Variants in CFAP61 observed in about 807,000 individuals in gnomAD.
The protein encoded by CFAP61 is cilia and flagella associated protein 61.
CFAP61 carries 107 observed loss-of-function variants against 135.6 expected under a neutral mutation model. That is an observed-to-expected ratio of 0.79 (90% CI 0.67 to 0.93). The LOEUF (loss-of-function observed/expected upper bound fraction) is 0.93. Ranked by LOEUF, CFAP61 falls within the 40% of genes least tolerant of loss-of-function variation. The pLI, the probability that CFAP61 is intolerant of heterozygous loss-of-function variation, is 0.00. For synonymous variants in CFAP61, 575 were observed against 578.5 expected, an observed-to-expected ratio of 0.99 and a Z score of 0.09; for missense variants, 1,507 against 1,556.2, an observed-to-expected ratio of 0.97 and a Z score of 0.53.
intron 17 of CFAP61, among the ~76,000 whole-genome samples, chr20:20,222,942 G>A (rs568101891): frequency 2.6e-5 from 4 of 152,274 alleles, no homozygotes; most frequent in Non-Finnish European, 5.9e-5. Flanking sequence ...GCAAAAGTAG[G>A]CTTATTACGG....
At chr20:20,107,098 A>T (rs1051883000) in intron 8 of CFAP61, among the ~76,000 whole-genome samples, 1 of 152,180 alleles carries the variant, frequency 6.6e-6, no homozygotes, top group Non-Finnish European at 1.5e-5. Context: ...TCAGTGGGTC[A>T]CACCCATTGC....
intron 4 of CFAP61, among the ~76,000 whole-genome samples, chr20:20,074,941 A>G (rs1184356309): frequency 6.6e-6 from 1 of 152,160 alleles, no homozygotes; most frequent in East Asian, 1.9e-4. Context: ...CCATATGAAC[A>G]TGGCACCCTT....
At chr20:20,342,231 G>A (rs1367988058) in intron 26 of CFAP61, among the ~76,000 whole-genome samples, 2 of 152,174 alleles carry the variant, frequency 1.3e-5, no homozygotes, top group African/African-American at 2.4e-5. Context: ...CCTCAAGAAC[G>A]AACGTTGCAT....
intron 26 of CFAP61, among the ~76,000 whole-genome samples, chr20:20,343,023 G>C (rs1050064804): frequency 6.6e-6 from 1 of 152,096 alleles, no homozygotes; most frequent in African/African-American, 2.4e-5. Context: ...ACCACACCCA[G>C]CTAATTTTTG....
At chr20:20,096,987 T>C (rs1568893253) in intron 7 of CFAP61, among the ~76,000 whole-genome samples, 1 of 152,114 alleles carries the variant, frequency 6.6e-6, no homozygotes, top group Non-Finnish European at 1.5e-5. Flanking sequence ...CATATTTCAG[T>C]ATTGAGAAGA....
At chr20:20,064,844 A>G (rs1011406132) in intron 2 of CFAP61, among the ~76,000 whole-genome samples, 1 of 152,168 alleles carries the variant, frequency 6.6e-6, no homozygotes, top group Non-Finnish European at 1.5e-5. Flanking sequence ...TGTCAAGCTT[A>G]ATGAGTCTAA....
intron 25 of CFAP61, among the ~76,000 whole-genome samples, chr20:20,312,934 A>T (rs944259981): frequency 1.3e-5 from 2 of 152,188 alleles, no homozygotes; most frequent in Non-Finnish European, 1.5e-5. Flanking sequence ...TTCTTGAGTT[A>T]TTCTGTATCT....
At chr20:20,069,488 C>G (rs989839323) in intron 2 of CFAP61, among the ~76,000 whole-genome samples, 1 of 152,122 alleles carries the variant, frequency 6.6e-6, no homozygotes. Flanking sequence ...CCATGTTGGC[C>G]AGGCTGTCTC....
chr20:20,276,119 A>G (rs1327908), intron 21 of CFAP61, among the ~76,000 whole-genome samples: 14,597 of 152,254 alleles, frequency 0.096, 771 homozygotes, highest in Non-Finnish European at 0.12. Flanking sequence ...ATTTTTCCTA[A>G]GCAAACAAGA....
At chr20:20,257,620 C>CA (rs147860452) in intron 20 of CFAP61, among the ~76,000 whole-genome samples, 1,543 of 58,232 alleles carry the variant, frequency 0.026, 45 homozygotes, top group African/African-American at 0.093. Flanking sequence ...TCAAAAAAAA[C>CA]AAAAAAACAA....
chr20:20,319,533 C>G (rs1040241178), intron 25 of CFAP61, among the ~76,000 whole-genome samples: 1 of 152,166 alleles, frequency 6.6e-6, no homozygotes, highest in Non-Finnish European at 1.5e-5. Flanking sequence ...TGCGTAGCAC[C>G]TCCCCTTCTC....
chr20:20,206,605 TA>T (rs1365315843), intron 17 of CFAP61, among the ~76,000 whole-genome samples: 24 of 152,342 alleles, frequency 1.6e-4, no homozygotes, highest in Non-Finnish European at 2.5e-4. Flanking sequence ...ATCTCTTTTT[TA>T]TTGTTGACTA....
At chr20:20,280,542 A>G (rs1394805139) in intron 22 of CFAP61, among the ~76,000 whole-genome samples, 4 of 152,128 alleles carry the variant, frequency 2.6e-5, no homozygotes, top group African/African-American at 4.8e-5. Flanking sequence ...CTATTTTTCT[A>G]TTTGGCTTCA....
At chr20:20,112,015 G>A (rs2048834044) in intron 8 of CFAP61, among the ~76,000 whole-genome samples, 1 of 151,998 alleles carries the variant, frequency 6.6e-6, no homozygotes, top group African/African-American at 2.4e-5. Context: ...CTTTTCCATG[G>A]GTTTCCTTTT....
rs138149098 is a variant in CFAP61 at position 20,217,401 on chromosome 20, G to A, written c.1933-10848G>A. ...CACATTAGAAATTTAAAATAGAGTCGCGCATGTTAGCTTGCTCACAGGACA... is the reference window on the plus strand; with the variant it reads ...CACATTAGAAATTTAAAATAGAGTCACGCATGTTAGCTTGCTCACAGGACA... On this transcript the variant is annotated intron_variant, in intron 17 of 26. Transcript: ENST00000245957. Among the ~76,000 whole-genome samples the A allele has an allele frequency of 1.1e-4, 16 of 152,286 alleles. No individual in the cohort carries two copies. In the East Asian group the frequency reaches 1.7e-3, roughly 16 times the overall value.
intron 21 of CFAP61, among the ~76,000 whole-genome samples, chr20:20,269,144 T>C (rs373873292): frequency 0.29 from 24,437 of 84,090 alleles, 3,781 homozygotes; most frequent in African/African-American, 0.45. Flanking sequence ...TATATATATA[T>C]ATACACACAC....
intron 7 of CFAP61, among the ~76,000 whole-genome samples, chr20:20,093,393 C>G (rs1233728178): frequency 6.7e-6 from 1 of 149,606 alleles, no homozygotes; most frequent in African/African-American, 2.5e-5. Context: ...GATGGGTGTA[C>G]AATTTTGTGA....
At position 20,344,832 on chromosome 20, in the gene CFAP61, C is replaced by T. The variant is rs143151952; in HGVS notation, c.3513+2911C>T. Among the ~76,000 whole-genome samples, 299 of 151,786 alleles carry T rather than the reference C, an allele frequency of 2.0e-3. 1 individual carries two copies. Among genetic ancestry groups the T allele is most frequent in the Middle Eastern group, 0.014 (4 of 294 alleles). Reference sequence around the variant, plus strand: ...TTATTGCAGCACTACTCACAATAGCCGAGATAGGGGATTAACCTAAGCATC... The same window carrying T: ...TTATTGCAGCACTACTCACAATAGCTGAGATAGGGGATTAACCTAAGCATC... On this transcript the variant is annotated intron_variant, in intron 26 of 26. Coordinates refer to ENST00000245957, the MANE Select transcript of CFAP61 (RefSeq NM_015585.4).
At chr20:20,159,491 G>A (rs1274238768) in intron 10 of CFAP61, 47 bp downstream of exon 10, 1 of 1,485,284 alleles carries the variant, frequency 6.7e-7, no homozygotes, top group South Asian at 1.1e-5. Flanking sequence ...CACCCCATGG[G>A]TTTCACACCT....
Sources: gnomAD v4.1 joint callset for allele counts (sites outside exome capture counted in the v4.1 genomes callset) on GRCh38, gnomAD v4.1.1 for gene constraint, MANE v1.5 for transcripts, NCBI Gene and HGNC (gene_info 2026-07-23, HGNC 2026-07-21) for gene names.